Variants in ATXN1 observed in about 807,000 individuals in gnomAD.
The protein encoded by ATXN1 is ataxin 1.
In ATXN1, 8 loss-of-function variants were observed where a neutral mutation model predicts 56.4. That is an observed-to-expected ratio of 0.14 (90% CI 0.08 to 0.26). The LOEUF (loss-of-function observed/expected upper bound fraction) is 0.26, where lower values mean the gene tolerates loss of function less well. Ranked by LOEUF, ATXN1 falls within the 10% of genes least tolerant of loss-of-function variation. The pLI, the probability that ATXN1 is intolerant of heterozygous loss-of-function variation, is 1.00. For missense variants in ATXN1, 987 were observed against 1,106.5 expected (o/e 0.89, Z 1.53); for synonymous variants, 514 against 494.6 (o/e 1.04, Z -0.52).
Position 16,306,795 on chromosome 6 carries a change from C to G in ATXN1, c.1982G>C (p.Cys661Ser), listed in dbSNP as rs148227566. ...FVFGQGWSSCCPERTSQLFDL... is the reference protein window; with the variant it reads ...FVFGQGWSSCSPERTSQLFDL... ...AAAGAGCTGGCTGGTTCTCTCCGGA[C>G]AGCAGGATGACCAGCCCTGTCCAAA... Residue 661 changes from cysteine to serine, a missense_variant, in exon 8 of 8, where the codon TGT (cysteine) becomes TCT (serine). Around this residue, in one of 3 missense-constraint regions of ATXN1, gnomAD observed 196 missense variants for 196.7 expected, o/e 1.00. Transcript: ENST00000436367. The surrounding 1 kb of genome is among the most constrained non-coding windows in gnomAD (Gnocchi z 5.2). 5.3e-5 allele frequency: 85 copies of G among 1,614,058 alleles called. No homozygotes were observed. The African/African-American group carries it at 9.1e-4, about 17-fold the overall frequency.
chr6:16,442,092 G>A (rs538143063), intron 6 of ATXN1, among the ~76,000 whole-genome samples: 2 of 152,290 alleles, frequency 1.3e-5, no homozygotes, highest in South Asian at 4.1e-4. Flanking sequence ...CAGGTAAAAT[G>A]ACTGAGTTAC....
intron 6 of ATXN1, among the ~76,000 whole-genome samples, chr6:16,436,684 C>A (rs1278852177): frequency 1.3e-5 from 2 of 149,866 alleles, no homozygotes; most frequent in Non-Finnish European, 3.0e-5. Flanking sequence ...GTGTTCCTGG[C>A]ACTGAGTAAA....
At chr6:16,414,778 G>C (rs552922080) in intron 6 of ATXN1, among the ~76,000 whole-genome samples, 2 of 152,338 alleles carry the variant, frequency 1.3e-5, no homozygotes, top group East Asian at 3.9e-4. Flanking sequence ...TGTAGCATCT[G>C]AAAGAGAATA....
intron 4 of ATXN1, among the ~76,000 whole-genome samples, chr6:16,532,696 A>C (rs1761528228): frequency 6.6e-6 from 1 of 152,196 alleles, no homozygotes; most frequent in East Asian, 1.9e-4. Flanking sequence ...GATGGCTCTG[A>C]TTAACAACAA....
chr6:16,669,641 T>TTGC (rs1030302961), intron 2 of ATXN1, among the ~76,000 whole-genome samples: 14 of 151,810 alleles, frequency 9.2e-5, no homozygotes, highest in African/African-American at 2.7e-4. Context: ...ACTGCTCCTA[T>TTGC]TGCTCTCTGA....
chr6:16,447,918 G>A (rs1450471678), intron 6 of ATXN1, among the ~76,000 whole-genome samples: 3 of 151,576 alleles, frequency 2.0e-5, no homozygotes, highest in Non-Finnish European at 2.9e-5. Flanking sequence ...CTCTCCATGT[G>A]CCATATAGTA....
intron 6 of ATXN1, among the ~76,000 whole-genome samples, chr6:16,401,060 G>A (rs555692596): frequency 6.6e-5 from 10 of 152,172 alleles, no homozygotes; most frequent in Non-Finnish European, 1.3e-4. Context: ...ATTTTAAAGT[G>A]TCCAGTGTCC....
chr6:16,557,627 GA>G (rs1432386865), intron 4 of ATXN1, among the ~76,000 whole-genome samples: 17 of 152,156 alleles, frequency 1.1e-4, no homozygotes, highest in African/African-American at 3.9e-4. Flanking sequence ...TAAAGCCTTA[GA>G]AAGTAAAACA....
chr6:16,670,653 G>A (rs934590671), intron 2 of ATXN1, among the ~76,000 whole-genome samples: 7 of 152,272 alleles, frequency 4.6e-5, no homozygotes, highest in South Asian at 2.1e-4. Context: ...GATCCTAGAA[G>A]CATGTCCTGT....
chr6:16,543,536 C>T (rs1417137603), intron 4 of ATXN1, among the ~76,000 whole-genome samples: 6 of 149,996 alleles, frequency 4.0e-5, no homozygotes, highest in Non-Finnish European at 8.8e-5. Flanking sequence ...GTGAATTGAA[C>T]TCCTAAATAT....
intron 6 of ATXN1, among the ~76,000 whole-genome samples, chr6:16,362,549 TGAAA>T (rs1376713528): frequency 6.6e-6 from 1 of 151,712 alleles, no homozygotes; most frequent in Non-Finnish European, 1.5e-5. Context: ...CGCTCCGGAG[TGAAA>T]GAAAGGAGAC....
chr6:16,353,306 G>A lies in ATXN1; in HGVS notation c.-160-24836C>T, dbSNP rs74580155. On this transcript the variant is annotated intron_variant, in intron 6 of 7. Coordinates refer to ENST00000436367, the MANE Select transcript of ATXN1 (RefSeq NM_001128164.2). ...CAGAAATGTGCCAAGAAAGCAGAAA[G>A]GAAAAGCGCTCATAGAATGGGGAAT... Among the ~76,000 whole-genome samples the A allele has an allele frequency of 5.1e-3, 772 of 152,258 alleles. 7 individuals are homozygous for A. Among genetic ancestry groups the A allele is most frequent in the African/African-American group, 0.018 (742 of 41,538 alleles).
chr6:16,631,982 T>C (rs989554240), intron 3 of ATXN1, among the ~76,000 whole-genome samples: 6 of 152,216 alleles, frequency 3.9e-5, no homozygotes, highest in African/African-American at 9.6e-5. Context: ...CATGGATTCT[T>C]ATTATTAATT....
chr6:16,736,539 C>A (rs1412223543), intron 2 of ATXN1, among the ~76,000 whole-genome samples: 2 of 152,164 alleles, frequency 1.3e-5, no homozygotes, highest in African/African-American at 4.8e-5. Flanking sequence ...AAAGTTGTAT[C>A]ATAGCTGTAC....
chr6:16,748,135 T>C (rs969858512), intron 2 of ATXN1, among the ~76,000 whole-genome samples: 7 of 152,334 alleles, frequency 4.6e-5, no homozygotes, highest in African/African-American at 1.7e-4. Flanking sequence ...TGTCATCATT[T>C]TCTTCAATTA....
intron 7 of ATXN1, among the ~76,000 whole-genome samples, chr6:16,315,212 A>G (rs529273798): frequency 1.6e-4 from 25 of 152,200 alleles, no homozygotes; most frequent in Non-Finnish European, 3.7e-4. Context: ...TGGCCATCCC[A>G]TGTTCTTCCC....
intron 6 of ATXN1, among the ~76,000 whole-genome samples, chr6:16,470,378 AAG>A (rs926895225): frequency 9.2e-5 from 14 of 152,210 alleles, no homozygotes; most frequent in Non-Finnish European, 1.8e-4. Context: ...GCCAGAAAAA[AAG>A]AGGTGTGAAG....
chr6:16,343,160 C>T (rs1350182141), intron 6 of ATXN1, among the ~76,000 whole-genome samples: 1 of 152,086 alleles, frequency 6.6e-6, no homozygotes, highest in Non-Finnish European at 1.5e-5. Context: ...CTGGCTAACA[C>T]GGTGAAACCC....
At chr6:16,745,394 T>A (rs966675557) in intron 2 of ATXN1, among the ~76,000 whole-genome samples, 1 of 152,178 alleles carries the variant, frequency 6.6e-6, no homozygotes, top group African/African-American at 2.4e-5. Flanking sequence ...TGATAGAATG[T>A]TATGTGATCC....
Sources: gnomAD v4.1 joint callset for allele counts (sites outside exome capture counted in the v4.1 genomes callset) on GRCh38, gnomAD v4.1.1 for gene constraint, gnomAD v4.1.1 regional missense constraint, Gnocchi (gnomAD v3.1) non-coding constraint, MANE v1.5 for transcripts, NCBI Gene and HGNC (gene_info 2026-07-23, HGNC 2026-07-21) for gene names.